Variants in TNS1 observed in about 807,000 individuals in gnomAD.
TNS1 encodes the protein tensin-1.
Under a neutral mutation model 168.6 loss-of-function variants are expected in TNS1, and 62 were observed. The observed-to-expected ratio is 0.37, with a 90% CI of 0.30 to 0.45. The LOEUF (loss-of-function observed/expected upper bound fraction) is 0.45. TNS1 is among the 20% of genes least tolerant of loss of function. The pLI, the probability that TNS1 is intolerant of heterozygous loss-of-function variation, is 1.00. For synonymous variants in TNS1, 934 were observed against 933.2 expected (o/e 1.00, Z -0.02); for missense variants, 2,240 against 2,339.4 (o/e 0.96, Z 0.88).
chr2:217,834,619 C>A (rs1282833491), intron 21 of TNS1, among the ~76,000 whole-genome samples: 3 of 152,138 alleles, frequency 2.0e-5, no homozygotes, highest in South Asian at 2.1e-4. Flanking sequence ...GAGCTGGGGG[C>A]TCTGTCAGCC....
rs1574997723 is a variant in TNS1 at position 217,897,839 on chromosome 2, C to T, written c.502G>A (p.Val168Met). 1 of 1,612,384 alleles carries T rather than the reference C, an allele frequency of 6.2e-7. No homozygotes were observed. Among genetic ancestry groups the T allele is most frequent in the Middle Eastern group, 1.7e-4 (1 of 6,056 alleles). ...TGTTTGGACTTGAGCATCTGCGCCA[C>T]CTCACGGAGGTTGCTCCGGAAGTTC... ...EENFRSNLRE[V>M]AQMLKSKHGG... is the part of the protein sequence containing the mutation. Residue 168 changes from valine (V) to methionine (M), a missense_variant, in exon 8 of 33, where the codon GTG (valine) becomes ATG (methionine). Around this residue, in one of 2 missense-constraint regions of TNS1, gnomAD observed 2,131 missense variants for 2,171.2 expected, o/e 0.98. Coordinates refer to ENST00000682258, the MANE Select transcript of TNS1 (RefSeq NM_001387777.1).
rs1411723781 is a variant in TNS1, at chr2:217,848,977, G to A, written c.1540C>T (p.Leu514=). ...TGAVNATRPT[L]SATPNHVEHT... is the part of the protein sequence containing the mutation. Reference sequence around the variant, plus strand: ...TCCACGTGGTTGGGGGTGGCCGACAGTGTAGGACGTGTGGCATTAACAGCC... The same window carrying A: ...TCCACGTGGTTGGGGGTGGCCGACAATGTAGGACGTGTGGCATTAACAGCC... Residue 514 remains leucine (L), a synonymous_variant, in exon 19 of 33, where the codon CTG becomes TTG. Coordinates refer to ENST00000682258, the MANE Select transcript of TNS1 (RefSeq NM_001387777.1). 6 of 1,614,158 alleles carry A rather than the reference G, an allele frequency of 3.7e-6. No homozygotes were observed. The highest frequency in any genetic ancestry group is 5.1e-6 in the Non-Finnish European group (6 of 1,180,020).
intron 1 of TNS1, among the ~76,000 whole-genome samples, chr2:218,015,845 C>T (rs985529431): frequency 6.6e-6 from 1 of 152,212 alleles, no homozygotes; most frequent in African/African-American, 2.4e-5. Flanking sequence ...GGACAGGGGC[C>T]TGGGGTCGTC....
intron 29 of TNS1, 100 bp downstream of exon 29, chr2:217,810,148 G>C (rs1486777700): frequency 4.4e-5 from 64 of 1,468,506 alleles, no homozygotes; most frequent in Non-Finnish European, 5.8e-5. Flanking sequence ...AGAGACATTT[G>C]GGCCTGGAGA....
chr2:217,999,789 C>A (rs552531250), intron 1 of TNS1, among the ~76,000 whole-genome samples: 1 of 152,218 alleles, frequency 6.6e-6, no homozygotes, highest in Non-Finnish European at 1.5e-5. Flanking sequence ...GGCAGGACAC[C>A]AACTCCAGGA....
rs1183951434 is a variant in TNS1, at chr2:218,033,259, C to A, written c.156+561G>T. 6.6e-6 allele frequency among the ~76,000 whole-genome samples: 1 copy of A among 152,174 alleles called. No individual in the cohort carries two copies. Among genetic ancestry groups the A allele is most frequent in the Non-Finnish European group, 1.5e-5 (1 of 68,012 alleles). ...CTGGCAGACTCCTCCAGAGCAGACA[C>A]CTGCCTCCCAGCTCAGACCTGTCCC... On this transcript the variant is annotated intron_variant, in intron 1 of 1. Coordinates refer to the TNS1 transcript ENST00000649572. The surrounding 1 kb of genome is among the most constrained non-coding windows in gnomAD (Gnocchi z 4.3).
upstream of TNS1, among the ~76,000 whole-genome samples, chr2:218,007,058 C>T (rs935499611): frequency 6.6e-6 from 1 of 152,094 alleles, no homozygotes; most frequent in Non-Finnish European, 1.5e-5. Flanking sequence ...CACAATGGGG[C>T]CACTCACACT....
chr2:218,002,264 G>A (rs1958579444), intron 1 of TNS1, among the ~76,000 whole-genome samples: 4 of 152,170 alleles, frequency 2.6e-5, no homozygotes, highest in Admixed American at 6.5e-5. Flanking sequence ...CCTCCAGGAT[G>A]GAGAGGTCTT....
rs1958189346 is a variant in TNS1, at chr2:217,986,229, C to T, written c.148+4713G>A. Among the ~76,000 whole-genome samples the T allele has an allele frequency of 6.6e-6, 1 of 152,210 alleles. No individual in the cohort carries two copies. The highest frequency in any genetic ancestry group is 1.5e-5 in the Non-Finnish European group (1 of 68,022). Reference sequence around the variant, plus strand: ...TCAGACACAGGGCAGAAGCTAGGTTCCCCAGTGAAGTAACAGGGGGAAAGA... The same window carrying T: ...TCAGACACAGGGCAGAAGCTAGGTTTCCCAGTGAAGTAACAGGGGGAAAGA... On this transcript the variant is annotated intron_variant, in intron 2 of 32. Coordinates refer to ENST00000682258, the MANE Select transcript of TNS1 (RefSeq NM_001387777.1). This position sits in a 1 kb window ranked among gnomAD's most constrained non-coding sequence, Gnocchi z 4.7.
intron 24 of TNS1, among the ~76,000 whole-genome samples, chr2:217,816,215 G>A (rs989637657): frequency 1.1e-4 from 17 of 152,254 alleles, no homozygotes; most frequent in Middle Eastern, 3.4e-3. Context: ...AGGATGTGCG[G>A]CCCTCACTCT....
intron 3 of TNS1, among the ~76,000 whole-genome samples, chr2:217,963,768 G>C (rs1270604432): frequency 6.7e-6 from 1 of 149,124 alleles, no homozygotes; most frequent in Admixed American, 6.7e-5. Context: ...AAAAGGCCAG[G>C]CTCAGTGACT....
chr2:217,867,023 G>C (rs1020706234), intron 18 of TNS1, among the ~76,000 whole-genome samples: 1 of 152,200 alleles, frequency 6.6e-6, no homozygotes, highest in Admixed American at 6.5e-5. Flanking sequence ...ACCCCTACCT[G>C]GCTGTGTAAG....
At position 217,848,748 on chromosome 2, in the gene TNS1, G is replaced by A; in HGVS notation, c.1769C>T (p.Ser590Phe). ...CACAGCCGAGCCCCCTGCTGGGCGG[G>A]ACCTGAGGTGCTGGGTGTGGTACAT... is the stretch of plus-strand genomic sequence containing the variant. ...GAMYHTQHLR[S>F]RPAGGSAVPS... Residue 590 changes from serine (S) to phenylalanine (F), a missense_variant, in exon 19 of 33, where the codon TCC (serine) becomes TTC (phenylalanine). By Grantham distance (155) the Ser-to-Phe change is radical (BLOSUM62 -2). Coordinates refer to ENST00000682258, the MANE Select transcript of TNS1 (RefSeq NM_001387777.1). 1.2e-6 allele frequency: 2 copies of A among 1,614,226 alleles called. No homozygotes were observed. Among genetic ancestry groups the A allele is most frequent in the Non-Finnish European group, 1.7e-6 (2 of 1,180,038 alleles).
intron 3 of TNS1, among the ~76,000 whole-genome samples, chr2:217,940,869 T>C (rs571285671): frequency 6.6e-6 from 1 of 152,198 alleles, no homozygotes; most frequent in South Asian, 2.1e-4. Flanking sequence ...CCTGTTTGGT[T>C]TGGGGAAAGC....
At chr2:217,940,319 CT>C (rs937149219) in intron 3 of TNS1, among the ~76,000 whole-genome samples, 5 of 152,154 alleles carry the variant, frequency 3.3e-5, no homozygotes, top group African/African-American at 1.2e-4. Flanking sequence ...CCTATCTCCT[CT>C]GCCCCCCACC....
intron 3 of TNS1, among the ~76,000 whole-genome samples, chr2:217,922,815 C>T (rs1161267385): frequency 1.3e-5 from 2 of 152,230 alleles, no homozygotes; most frequent in African/African-American, 4.8e-5. Flanking sequence ...TGCCTTGGTG[C>T]CCCCTCGTGG....
chr2:217,985,696 A>C, intron 2 of TNS1: 1 of 152,320 alleles, frequency 6.6e-6, no homozygotes, highest in African/African-American at 2.4e-5. Context: ...TGCTGGGATT[A>C]CAGACGGGAG....
At chr2:217,830,537 G>A in intron 22 of TNS1, 1 of 977,368 alleles carries the variant, frequency 1.0e-6, no homozygotes, top group South Asian at 1.6e-5. Context: ...AAGGAGAGGA[G>A]CTGGGAAATG....
intron 2 of TNS1, among the ~76,000 whole-genome samples, chr2:217,990,194 A>G (rs1298387520): frequency 1.3e-5 from 2 of 150,414 alleles, no homozygotes; most frequent in Non-Finnish European, 3.0e-5. Flanking sequence ...CACATCATCC[A>G]CACACCATCC....
Sources: allele counts gnomAD v4.1 joint callset (sites outside exome capture counted in the v4.1 genomes callset), GRCh38; gene constraint gnomAD v4.1.1; regional missense constraint gnomAD v4.1.1; non-coding constraint Gnocchi (gnomAD v3.1); transcripts MANE v1.5; gene names NCBI Gene and HGNC (gene_info 2026-07-23, HGNC 2026-07-21).